SLFN11: variants seen among roughly 807,000 people sequenced by gnomAD.
SLFN11 encodes schlafen family member 11.
Under a neutral mutation model 53.4 loss-of-function variants are expected in SLFN11, and 43 were observed. That is an observed-to-expected ratio of 0.80 (90% CI 0.63 to 1.04). The LOEUF (loss-of-function observed/expected upper bound fraction) is 1.04, where lower values mean the gene tolerates loss of function less well. Among genes scored for constraint, SLFN11 ranks in the 50% least tolerant of loss-of-function variants. The pLI is 0.00. For synonymous variants in SLFN11, 389 were observed against 394.7 expected (o/e 0.99, Z 0.17); for missense variants, 990 against 1,079.1 (o/e 0.92, Z 1.16).
intron 3 of SLFN11, among the ~76,000 whole-genome samples, chr17:35,366,535 T>C (rs1908979683): frequency 6.6e-6 from 1 of 152,078 alleles, no homozygotes; most frequent in South Asian, 2.1e-4. Context: ...AAATAAAATT[T>C]AAAACAATCA....
chr17:35,362,846 C>G lies in SLFN11; in HGVS notation c.962G>C (p.Cys321Ser), dbSNP rs1298841345. Reference sequence around the variant, plus strand: ...GGGAGCTTCTGAGAACACTGCACAGCAGAAGGGATTTACTCTGATCATGCA... The same window carrying G: ...GGGAGCTTCTGAGAACACTGCACAGGAGAAGGGATTTACTCTGATCATGCA... ...YACMIRVNPFCCAVFSEAPNS... is the reference protein window; with the variant it reads ...YACMIRVNPFSCAVFSEAPNS... The change falls in exon 4 of 7, where the codon TGC becomes TCC. Residue 321 changes from cysteine (C) to serine (S), a missense_variant. By Grantham distance (112) the Cys-to-Ser change is moderately radical. This residue lies in a region of SLFN11 where 521 missense variants were observed against 516.2 expected (regional missense o/e 1.01). Transcript: ENST00000685675. The G allele has an allele frequency of 3.7e-6, 6 of 1,613,824 alleles. No individual in the cohort carries two copies. The highest frequency in any genetic ancestry group is 4.2e-6 in the Non-Finnish European group (5 of 1,179,944).
chr17:35,353,258 C>T (rs1906986592), intron 6 of SLFN11, 78 bp downstream of exon 6: 2 of 1,605,434 alleles, frequency 1.2e-6, no homozygotes, highest in Non-Finnish European at 1.7e-6. Flanking sequence ...ACTCAATTCT[C>T]AAGAAAGACG....
intron 3 of SLFN11, among the ~76,000 whole-genome samples, chr17:35,365,199 A>G (rs1334611501): frequency 1.3e-5 from 2 of 152,128 alleles, no homozygotes; most frequent in Admixed American, 6.5e-5. Context: ...GAGGAAGCTG[A>G]AAGAGTCCCC....
In SLFN11 at chr17:35,353,445, T is replaced by C. The variant is rs1161414687; in HGVS notation, c.1813A>G (p.Lys605Glu). The change falls in exon 6 of 7, where the codon AAG (lysine) becomes GAG (glutamate). Residue 605 changes from lysine (K) to glutamate (E), a missense_variant. Coordinates refer to ENST00000685675, the MANE Select transcript of SLFN11 (RefSeq NM_001376007.1). ...ATGATCTTCATGGCCATGATGGTCTTCCCTGAGCCAGGTAAGCCGTGGACA... is the reference window on the plus strand; with the variant it reads ...ATGATCTTCATGGCCATGATGGTCTCCCCTGAGCCAGGTAAGCCGTGGACA... ...LFVHGLPGSG[K>E]TIMAMKIMEK... The C allele has an allele frequency of 6.2e-7, 1 of 1,604,620 alleles. No individual in the cohort carries two copies.
At chr17:35,365,358 A>T (rs779755363) in intron 3 of SLFN11, among the ~76,000 whole-genome samples, 1 of 152,128 alleles carries the variant, frequency 6.6e-6, no homozygotes, top group Admixed American at 6.5e-5. Context: ...GTCACAGCTC[A>T]CTGCAGCCTC....
rs778775642 is a variant in SLFN11, at chr17:35,352,813, C to T, written c.2249G>A (p.Ser750Asn). Residue 750 changes from serine to asparagine, a missense_variant, in exon 7 of 7, where the codon AGT becomes AAT. Around this residue, in one of 3 missense-constraint regions of SLFN11, gnomAD observed 313 missense variants for 320.9 expected, o/e 0.98. Coordinates refer to ENST00000685675, the MANE Select transcript of SLFN11 (RefSeq NM_001376007.1). Reference protein sequence around the residue: ...YLQKEMQVIRSNPSFNIPTGC... With the variant: ...YLQKEMQVIRNNPSFNIPTGC... ...AGTGGGGATGTTAAATGAAGGATTACTTCTAATTACTTGCATTTCTTTTTG... is the reference window on the plus strand; with the variant it reads ...AGTGGGGATGTTAAATGAAGGATTATTTCTAATTACTTGCATTTCTTTTTG... 5.0e-6 allele frequency: 8 copies of T among 1,614,198 alleles called. No individual in the cohort carries two copies. Among genetic ancestry groups the T allele is most frequent in the Middle Eastern group, 1.6e-4 (1 of 6,062 alleles).
chr17:35,354,024 G>A lies in SLFN11; in HGVS notation c.1234C>T (p.Leu412Phe). 1 of 1,613,492 alleles carries A rather than the reference G, an allele frequency of 6.2e-7. No individual in the cohort carries two copies. Among genetic ancestry groups the A allele is most frequent in the Non-Finnish European group, 8.5e-7 (1 of 1,179,680 alleles). ...TGCTCTGAGATCAGGTCCCTCCAGA[G>A]TGACTCTGGAGTATATCGCAAATAT... ...PGYLRYTPES[L>F]WRDLISEHRG... The change falls in exon 6 of 7, where the codon CTC becomes TTC. Residue 412 changes from leucine to phenylalanine, a missense_variant. Around this residue, in one of 3 missense-constraint regions of SLFN11, gnomAD observed 521 missense variants for 516.2 expected, o/e 1.01. Transcript: ENST00000685675.
At position 35,353,764 on chromosome 17, in the gene SLFN11, T is replaced by A. The variant is rs112950063; in HGVS notation, c.1494A>T (p.Leu498=). ...TCCCGGTGTAGCCCCCCATGTTCAC[T>A]AGCTTCTGCTTCAAAGTAAAGGCGG... is the stretch of plus-strand genomic sequence containing the variant. The part of the protein sequence containing the change: ...TRTAFTLKQK[L]VNMGGYTGKV... Residue 498 remains leucine, a synonymous_variant, in exon 6 of 7, where the codon CTA becomes CTT. Transcript: ENST00000685675. 9.7e-6 allele frequency: 15 copies of A among 1,539,226 alleles called. No homozygotes were observed. Among genetic ancestry groups the A allele is most frequent in the Non-Finnish European group, 1.3e-5 (15 of 1,139,652 alleles).
chr17:35,352,874 T>C lies in SLFN11; in HGVS notation c.2188A>G (p.Ile730Val), dbSNP rs746302054. The change falls in exon 7 of 7, where the codon ATA becomes GTA. Residue 730 changes from isoleucine to valine, a missense_variant. By Grantham distance (29) the Ile-to-Val change is conservative. Around this residue, in one of 3 missense-constraint regions of SLFN11, gnomAD observed 313 missense variants for 320.9 expected, o/e 0.98. Coordinates refer to ENST00000685675, the MANE Select transcript of SLFN11 (RefSeq NM_001376007.1). Reference protein sequence around the residue: ...DQYPREELTRIVRNADPIAKY... With the variant: ...DQYPREELTRVVRNADPIAKY... ...GCTATTGGATCTGCATTGCGAACTA[T>C]TCTGGTGAGCTCTTCTCTTGGATAT... 17 of 1,614,076 alleles carry C rather than the reference T, an allele frequency of 1.1e-5. No homozygotes were observed. The highest frequency in any genetic ancestry group is 1.6e-4 in the Middle Eastern group (1 of 6,084).
At position 35,363,135 on chromosome 17, in the gene SLFN11, C is replaced by A; in HGVS notation, c.673G>T (p.Glu225Ter). Reference sequence around the variant, plus strand: ...TCTGGAATTGTCCTTTTTACATATTCTTGGAAGTGTTTTGTAGAGAACTGT... The same window carrying A: ...TCTGGAATTGTCCTTTTTACATATTATTGGAAGTGTTTTGTAGAGAACTGT... ...FKQFSTKHFQ[E>*]YVKRTIPEYV... is the part of the protein sequence containing the mutation. Residue 225 changes from glutamate to a stop codon, truncating the protein, a stop_gained, in exon 4 of 7, where the codon GAA becomes TAA. Transcript: ENST00000685675. LOFTEE classifies it high-confidence loss of function. The A allele has an allele frequency of 6.2e-7, 1 of 1,613,650 alleles. No individual in the cohort carries two copies. Among genetic ancestry groups the A allele is most frequent in the African/African-American group, 1.3e-5 (1 of 74,960 alleles).
intron 4 of SLFN11, among the ~76,000 whole-genome samples, chr17:35,361,186 C>T (rs569845649): frequency 1.1e-4 from 16 of 152,120 alleles, no homozygotes; most frequent in Admixed American, 5.2e-4. Flanking sequence ...ACTGAGATAG[C>T]CCACTAGCCT....
In SLFN11 at chr17:35,352,721, TCTTAATTC is replaced by T. The variant is rs746585325; in HGVS notation, c.2333_2340del (p.Arg778GlnfsTer21). 6.2e-7 allele frequency: 1 copy of T among 1,614,236 alleles called. No homozygotes were observed. The highest frequency in any genetic ancestry group is 8.5e-7 in the Non-Finnish European group (1 of 1,180,038). On this transcript the variant is annotated frameshift_variant, in exon 7 of 7. Transcript: ENST00000685675. LOFTEE classifies it low-confidence loss of function (END_TRUNC). ...ATTATTTGCTCCACAGTCAAGTATT[TCTTAATTC>T]GTAAGGTTCCCTGAACACCCTGGGA...
intron 3 of SLFN11, among the ~76,000 whole-genome samples, chr17:35,364,367 A>T (rs184906314): frequency 6.6e-6 from 1 of 152,258 alleles, no homozygotes; most frequent in Admixed American, 6.5e-5. Context: ...AGCCCAGAAC[A>T]AAGTCACCTG....
rs750860430 is a variant in SLFN11, at chr17:35,352,822, A to G, written c.2240T>C (p.Val747Ala). The G allele has an allele frequency of 5.0e-6, 8 of 1,614,202 alleles. No individual in the cohort carries two copies. Among genetic ancestry groups the G allele is most frequent in the Non-Finnish European group, 6.8e-6 (8 of 1,180,040 alleles). ...GTTAAATGAAGGATTACTTCTAATTACTTGCATTTCTTTTTGTAAGTACTT... is the reference window on the plus strand; with the variant it reads ...GTTAAATGAAGGATTACTTCTAATTGCTTGCATTTCTTTTTGTAAGTACTT... Reference protein sequence around the residue: ...IAKYLQKEMQVIRSNPSFNIP... With the variant: ...IAKYLQKEMQAIRSNPSFNIP... The change falls in exon 7 of 7, where the codon GTA becomes GCA. Residue 747 changes from valine (V) to alanine (A), a missense_variant. By Grantham distance (64) the Val-to-Ala change is moderately conservative. Around this residue, in one of 3 missense-constraint regions of SLFN11, gnomAD observed 313 missense variants for 320.9 expected, o/e 0.98. Transcript: ENST00000685675.
In SLFN11 at chr17:35,352,342, A is replaced by G. The variant is rs752388782; in HGVS notation, c.*14T>C. The G allele has an allele frequency of 6.2e-7, 1 of 1,612,346 alleles. No individual in the cohort carries two copies. The highest frequency in any genetic ancestry group is 2.2e-5 in the East Asian group (1 of 44,868). On this transcript the variant is annotated 3_prime_UTR_variant, in exon 7 of 7. Coordinates refer to ENST00000685675, the MANE Select transcript of SLFN11 (RefSeq NM_001376007.1). ...CCATAGACATTTACATAGCATTTTG[A>G]TTTGGAGTTCTTCCTAATGGCCACC... is the stretch of plus-strand genomic sequence containing the variant.
rs1254273849 is a variant in SLFN11, at chr17:35,356,213, A to G, written c.1199-2154T>C. Among the ~76,000 whole-genome samples, 2 of 152,168 alleles carry G rather than the reference A, an allele frequency of 1.3e-5. 1 individual carries two copies. The highest frequency in any genetic ancestry group is 2.9e-5 in the Non-Finnish European group (2 of 68,030). The stretch of plus-strand genomic sequence containing the variant: ...TTCTGAAGCCAAATTATTGTCAATC[A>G]ATGCTAATAATTAGTGTGCTAAGAA... On this transcript the variant is annotated intron_variant, in intron 5 of 6. Transcript: ENST00000685675.
chr17:35,353,495 C>A lies in SLFN11; in HGVS notation c.1763G>T (p.Ser588Ile). 1 of 1,559,528 alleles carries A rather than the reference C, an allele frequency of 6.4e-7. No individual in the cohort carries two copies. The highest frequency in any genetic ancestry group is 8.7e-7 in the Non-Finnish European group (1 of 1,147,702). ...AAACAACTCTCTGTTCTTGCGGAGG[C>A]TTCTGGAGAATATCTCATACTGCTG... ...TAQQYEIFSR[S>I]LRKNRELFVH... Residue 588 changes from serine to isoleucine, a missense_variant, in exon 6 of 7, where the codon AGC (serine) becomes ATC (isoleucine). Around this residue, in one of 3 missense-constraint regions of SLFN11, gnomAD observed 156 missense variants for 241.9 expected, o/e 0.64. Coordinates refer to ENST00000685675, the MANE Select transcript of SLFN11 (RefSeq NM_001376007.1).
Position 35,361,760 on chromosome 17 carries a change from T to C in SLFN11, c.1069+979A>G, listed in dbSNP as rs918499901. On this transcript the variant is annotated intron_variant, in intron 4 of 6. Coordinates refer to ENST00000685675, the MANE Select transcript of SLFN11 (RefSeq NM_001376007.1). Reference sequence around the variant, plus strand: ...AACTTCAATGCAAAGGGCTTTTTTTTTTGAGACAGAGTCTCGCTCTGTCAC... The same window carrying C: ...AACTTCAATGCAAAGGGCTTTTTTTCTTGAGACAGAGTCTCGCTCTGTCAC... Among the ~76,000 whole-genome samples, 8 of 152,102 alleles carry C rather than the reference T, an allele frequency of 5.3e-5. No homozygotes were observed. In the East Asian group the frequency reaches 1.5e-3, roughly 29 times the overall value.
rs185713426 is a variant in SLFN11 at position 35,355,633 on chromosome 17, C to T, written c.1199-1574G>A. Among the ~76,000 whole-genome samples, 168 of 152,182 alleles carry T rather than the reference C, an allele frequency of 1.1e-3. No homozygotes were observed. The Middle Eastern group carries it at 0.031, about 28-fold the overall frequency. On this transcript the variant is annotated intron_variant, in intron 5 of 6. Transcript: ENST00000685675. ...CTTTTTCTTTAATTGTATAATGGAG[C>T]ATGCTTCTGAAGGAAATTATAGGAA...
Sources: gnomAD v4.1 joint callset for allele counts (sites outside exome capture counted in the v4.1 genomes callset) on GRCh38, gnomAD v4.1.1 for gene constraint, gnomAD v4.1.1 regional missense constraint, MANE v1.5 for transcripts, NCBI Gene and HGNC (gene_info 2026-07-23, HGNC 2026-07-21) for gene names.